Variants in PABPN1L observed in about 807,000 individuals in gnomAD.
PABPN1L encodes PABPN1 like, cytoplasmic.
A neutral mutation model predicts 34.0 loss-of-function variants in PABPN1L; 45 were observed. The ratio of observed to expected loss-of-function variants is 1.32; its 90% CI spans 1.04 to 1.70. The LOEUF is 1.70. PABPN1L is among the 40% of genes most tolerant of loss of function. PABPN1L has a pLI of 0.00. For synonymous variants in PABPN1L, 182 were observed against 152.1 expected (o/e 1.20, Z -1.45); for missense variants, 459 against 367.8 (o/e 1.25, Z -2.03).
upstream of PABPN1L, among the ~76,000 whole-genome samples, chr16:88,867,726 G>A (rs1414712654): frequency 6.6e-6 from 1 of 152,216 alleles, no homozygotes; most frequent in Non-Finnish European, 1.5e-5. Context: ...CAGGGTTGCA[G>A]CAGGAGGTGA....
At position 88,866,504 on chromosome 16, in the gene PABPN1L, C is replaced by T. The variant is rs528956965; in HGVS notation, c.103G>A (p.Glu35Lys). 22 of 1,551,132 alleles carry T rather than the reference C, an allele frequency of 1.4e-5. No homozygotes were observed. The highest frequency in any genetic ancestry group is 4.9e-5 in the East Asian group (2 of 40,962). The stretch of plus-strand genomic sequence containing the variant: ...TCTGGCCCCAGAATCTCCTTGGTCT[C>T]GTTCCAGGCCCCCCAGCCCTGGGCC... The change falls in exon 1 of 7, where the codon GAG becomes AAG. Residue 35 changes from glutamate to lysine, a missense_variant. Physicochemically the swap from Glu to Lys is moderately conservative, Grantham distance 56. Transcript: ENST00000419291.
exon 7 of PABPN1L, chr16:88,863,780 G>C (rs755308690): frequency 1.6e-5 from 25 of 1,535,958 alleles, no homozygotes; most frequent in Non-Finnish European, 2.2e-5. Context: ...ACCATGGTGA[G>C]AATTTTCCAC....
chr16:88,864,820 T>C, intron 5 of PABPN1L, 33 bp downstream of exon 5: 1 of 1,567,520 alleles, frequency 6.4e-7, no homozygotes, highest in Non-Finnish European at 8.7e-7. Context: ...CCCTCTGCGC[T>C]CATGTTCCTG....
upstream of PABPN1L, chr16:88,866,785 C>G (rs1968614577): frequency 4.7e-6 from 4 of 850,050 alleles, no homozygotes; most frequent in South Asian, 8.1e-5. Flanking sequence ...GGCCCCGCCC[C>G]TTCCCTGTCA....
In PABPN1L at chr16:88,865,546, C is replaced by A. The variant is rs1173340383; in HGVS notation, c.459+17G>T. ...GCCCCATTCGCTGCCTGCCCCTTCA[C>A]CCCGCCCACCACTCACGTTGCCCAC... On this transcript the variant is annotated intron_variant, in intron 3 of 6. Coordinates refer to ENST00000419291, the Ensembl canonical transcript of PABPN1L. 2 of 1,608,760 alleles carry A rather than the reference C, an allele frequency of 1.2e-6. No homozygotes were observed. The highest frequency in any genetic ancestry group is 1.7e-6 in the Non-Finnish European group (2 of 1,178,452).
chr16:88,866,638 G>A (rs532937880), upstream of PABPN1L: 14 of 1,508,032 alleles, frequency 9.3e-6, no homozygotes, highest in Admixed American at 2.1e-5. Flanking sequence ...TGGGCCAGGC[G>A]AGGCCTCCCC....
intron 5 of PABPN1L, among the ~76,000 whole-genome samples, chr16:88,864,642 C>T (rs2143019759): frequency 6.6e-6 from 1 of 151,850 alleles, no homozygotes; most frequent in East Asian, 1.9e-4. Context: ...GGGGCTCCCG[C>T]CCGAGAGGGG....
chr16:88,868,968 G>T (rs1328370162), upstream of PABPN1L, among the ~76,000 whole-genome samples: 2 of 152,202 alleles, frequency 1.3e-5, no homozygotes, highest in Non-Finnish European at 2.9e-5. Context: ...ACACTATCTG[G>T]GTGGGATCCA....
upstream of PABPN1L, among the ~76,000 whole-genome samples, chr16:88,868,643 CT>C (rs199548570): frequency 0.013 from 2,049 of 151,958 alleles, 21 homozygotes; most frequent in East Asian, 0.021. Context: ...GGTTTGGAGA[CT>C]TTTATACTTA....
At chr16:88,866,313 G>C in intron 1 of PABPN1L, 39 bp downstream of exon 1, 1 of 1,532,480 alleles carries the variant, frequency 6.5e-7, no homozygotes, top group Non-Finnish European at 8.8e-7. Flanking sequence ...CTGTGCCCCA[G>C]GTCCCCTGAG....
chr16:88,869,781 T>C (rs960731625), upstream of PABPN1L, among the ~76,000 whole-genome samples: 1 of 152,212 alleles, frequency 6.6e-6, no homozygotes, highest in African/African-American at 2.4e-5. Context: ...TGGAAAACCT[T>C]GTCATCCTCA....
At chr16:88,867,338 C>T (rs1042234169), upstream of PABPN1L, among the ~76,000 whole-genome samples, 1 of 152,036 alleles carries the variant, frequency 6.6e-6, no homozygotes, top group Non-Finnish European at 1.5e-5. Flanking sequence ...GGTGATTCTC[C>T]TGCCTCAGCC....
intron 6 of PABPN1L, among the ~76,000 whole-genome samples, 190 bp from the exon 7 acceptor site, chr16:88,863,985 G>A (rs572001885): frequency 1.3e-5 from 2 of 152,344 alleles, no homozygotes; most frequent in East Asian, 1.9e-4. Context: ...GGCAGTGCCA[G>A]GAGAGCCCCT....
upstream of PABPN1L, chr16:88,866,643 C>T (rs890678166): frequency 6.0e-6 from 9 of 1,491,478 alleles, no homozygotes; most frequent in Non-Finnish European, 8.0e-6. Flanking sequence ...CAGGCGAGGC[C>T]TCCCCTCCAC....
At chr16:88,863,405 A>G in exon 7 of PABPN1L, 1 of 428,776 alleles carries the variant, frequency 2.3e-6, no homozygotes, top group East Asian at 4.5e-5. Flanking sequence ...ATTTTTCTTA[A>G]AATGACTTAG....
At chr16:88,868,599 G>A (rs144134806), upstream of PABPN1L, among the ~76,000 whole-genome samples, 3 of 151,992 alleles carry the variant, frequency 2.0e-5, no homozygotes, top group East Asian at 3.9e-4. Context: ...GAGTGAGACT[G>A]TCTCAAAAAA....
chr16:88,868,003 G>A (rs1278715960), upstream of PABPN1L, among the ~76,000 whole-genome samples: 2 of 152,338 alleles, frequency 1.3e-5, no homozygotes, highest in Middle Eastern at 3.4e-3. Flanking sequence ...TTGGGACTGG[G>A]GGAGGAGAGA....
chr16:88,866,626 G>A (rs896772645), upstream of PABPN1L: 1 of 1,519,134 alleles, frequency 6.6e-7, no homozygotes, highest in Non-Finnish European at 8.8e-7. Context: ...GCAGGAGGAA[G>A]GTGGGCCAGG....
At chr16:88,863,531 C>G in exon 7 of PABPN1L, 2 of 643,852 alleles carry the variant, frequency 3.1e-6, no homozygotes, top group Non-Finnish European at 5.6e-6. Flanking sequence ...GCCAGGCTCA[C>G]CACCGGGCCG....
Sources: gnomAD v4.1 joint callset for allele counts (sites outside exome capture counted in the v4.1 genomes callset) on GRCh38, gnomAD v4.1.1 for gene constraint, MANE v1.5 for transcripts, NCBI Gene and HGNC (gene_info 2026-07-23, HGNC 2026-07-21) for gene names.